Variants in GPC4 observed in about 807,000 individuals in gnomAD.
The protein encoded by GPC4 is glypican 4.
In GPC4, 10 loss-of-function variants were observed where a neutral mutation model predicts 35.0. The ratio of observed to expected loss-of-function variants is 0.29; its 90% CI spans 0.18 to 0.48. GPC4 has a LOEUF of 0.48. Among genes scored for constraint, GPC4 ranks in the 20% least tolerant of loss-of-function variants. GPC4 has a pLI of 0.99. For missense variants in GPC4, 322 were observed against 451.3 expected (o/e 0.71, Z 2.60); for synonymous variants, 167 against 170.2 (o/e 0.98, Z 0.15).
At chrX:133,328,310 C>T (rs1460731825) in intron 2 of GPC4, among the ~76,000 whole-genome samples, 1 of 111,051 alleles carries the variant, frequency 9.0e-6, no homozygotes, top group East Asian at 2.8e-4. Context: ...TGCCTTTTGC[C>T]TCAAAGGGAC....
At position 133,415,005 on chromosome X, in the gene GPC4, G is replaced by A. The variant is rs760771681; in HGVS notation, c.-40C>T. On this transcript the variant is annotated 5_prime_UTR_variant, in exon 1 of 9. Coordinates refer to ENST00000370828, the MANE Select transcript of GPC4 (RefSeq NM_001448.3). ...CGGACGCGTTCCCACCTTTGGGACCGGACGGGAAGCGGCGCTACGGCAGCG... is the reference window on the plus strand; with the variant it reads ...CGGACGCGTTCCCACCTTTGGGACCAGACGGGAAGCGGCGCTACGGCAGCG... 2 of 1,181,477 alleles carry A rather than the reference G, an allele frequency of 1.7e-6. No individual in the cohort carries two copies. The highest frequency in any genetic ancestry group is 1.7e-5 in the African/African-American group (1 of 57,268).
chrX:133,397,823 G>A (rs1247310675), intron 1 of GPC4, among the ~76,000 whole-genome samples: 1 of 111,941 alleles, frequency 8.9e-6, no homozygotes, highest in Non-Finnish European at 1.9e-5. Flanking sequence ...CACTTTGGGA[G>A]GCCAAGGCGG....
chrX:133,376,513 A>T (rs1188380817), intron 1 of GPC4, among the ~76,000 whole-genome samples: 1 of 112,744 alleles, frequency 8.9e-6, no homozygotes, highest in Non-Finnish European at 1.9e-5. Flanking sequence ...CCTTGCAGAT[A>T]TAAGACATTC....
At chrX:133,335,351 A>G (rs1278278124) in intron 2 of GPC4, among the ~76,000 whole-genome samples, 1 of 111,485 alleles carries the variant, frequency 9.0e-6, no homozygotes, top group African/African-American at 3.3e-5. Flanking sequence ...CACAGAGGCC[A>G]GTCTTTAAAC....
chrX:133,347,262 T>G lies in GPC4; in HGVS notation c.161-7921A>C, dbSNP rs1175492550. On this transcript the variant is annotated intron_variant, in intron 1 of 8. Transcript: ENST00000370828. ...TTCTATTAGAAGTTTTTTTTTTTTTTTTTTTTTTTTTTTTTTTTAAGAAAA... is the reference window on the plus strand; with the variant it reads ...TTCTATTAGAAGTTTTTTTTTTTTTGTTTTTTTTTTTTTTTTTTAAGAAAA... Among the ~76,000 whole-genome samples the G allele has an allele frequency of 8.6e-5, 8 of 92,538 alleles. No homozygotes were observed. The South Asian group carries it at 2.7e-3, about 31-fold the overall frequency. The allele number at this position is 92,538 out of a possible 115,157, so 80.4% of individuals were successfully genotyped here. A position where few individuals can be genotyped will look rare whatever the true frequency, so the allele number is the denominator to read the frequency against.
At chrX:133,381,292 T>C (rs1020914243) in intron 1 of GPC4, among the ~76,000 whole-genome samples, 1 of 112,582 alleles carries the variant, frequency 8.9e-6, no homozygotes, top group African/African-American at 3.2e-5. Flanking sequence ...AAATGTGAAT[T>C]TGTTTCAATG....
chrX:133,346,815 T>C (rs1331944675), intron 1 of GPC4, among the ~76,000 whole-genome samples: 1 of 111,359 alleles, frequency 9.0e-6, no homozygotes, highest in East Asian at 2.8e-4. Flanking sequence ...CACATTTATA[T>C]AAAATGTCCA....
intron 2 of GPC4, among the ~76,000 whole-genome samples, chrX:133,331,738 C>T (rs1603067987): frequency 1.0e-5 from 1 of 97,562 alleles, no homozygotes; most frequent in Admixed American, 1.1e-4. Context: ...TCCAGCCTGG[C>T]CAACAGAGTG....
intron 2 of GPC4, among the ~76,000 whole-genome samples, chrX:133,328,138 A>G (rs191794245): frequency 2.2e-3 from 242 of 111,476 alleles, no homozygotes; most frequent in Non-Finnish European, 3.4e-3. Flanking sequence ...TTAAACATCT[A>G]TAAAATTGTT....
intron 1 of GPC4, among the ~76,000 whole-genome samples, chrX:133,386,519 T>C (rs2068691255): frequency 9.0e-6 from 1 of 111,302 alleles, no homozygotes; most frequent in African/African-American, 3.3e-5. Flanking sequence ...ATATACAATA[T>C]GCAGCTCCTA....
rs1309750237 is a variant in GPC4 at position 133,300,246 on chromosome X, T to C, written c.*2621A>G. 1 of 112,542 alleles carries C rather than the reference T, an allele frequency of 8.9e-6. No individual in the cohort carries two copies. The highest frequency in any genetic ancestry group is 1.9e-5 in the Non-Finnish European group (1 of 53,309). The allele number at this position is 112,542 out of a possible 1,213,427, so 9.3% of individuals were successfully genotyped here. On this transcript the variant is annotated 3_prime_UTR_variant, in exon 9 of 9. Coordinates refer to ENST00000370828, the MANE Select transcript of GPC4 (RefSeq NM_001448.3). ...TCTTCGCAGTGTCTTTTAATCAAAA[T>C]AACAGGTGCTAGTTACGATTTTTGA...
chrX:133,349,784 T>C (rs2068508993), intron 1 of GPC4, among the ~76,000 whole-genome samples: 1 of 110,930 alleles, frequency 9.0e-6, no homozygotes, highest in South Asian at 3.9e-4. Context: ...CCACACCCGG[T>C]TAATTTTTGT....
At chrX:133,344,191 G>GTTTTTTTTTTTTTTTTTTTTTTTTTTTTT (rs747976050) in intron 1 of GPC4, among the ~76,000 whole-genome samples, 2 of 38,897 alleles carry the variant, frequency 5.1e-5, no homozygotes, top group East Asian at 7.0e-4. Context: ...TTTCTTTCTG[G>GTTTTTTTTTTTTTTTTTTTTTTTTTTTTT]TTTTTTTTTT....
At chrX:133,308,698 A>G (rs2068301460) in intron 4 of GPC4, among the ~76,000 whole-genome samples, 1 of 111,259 alleles carries the variant, frequency 9.0e-6, no homozygotes, top group South Asian at 3.8e-4. Flanking sequence ...TTAGTCTCTT[A>G]AAGGGTCTAG....
At chrX:133,335,093 C>T (rs1349711095) in intron 2 of GPC4, among the ~76,000 whole-genome samples, 6 of 111,349 alleles carry the variant, frequency 5.4e-5, no homozygotes, top group Non-Finnish European at 1.1e-4. Context: ...TTTCTATTCC[C>T]TTTGCCAAGC....
At chrX:133,379,415 G>C (rs1374648145) in intron 1 of GPC4, among the ~76,000 whole-genome samples, 1 of 112,000 alleles carries the variant, frequency 8.9e-6, no homozygotes, top group Non-Finnish European at 1.9e-5. Flanking sequence ...GCTGGGGGGA[G>C]GCAGGAATGA....
At position 133,306,217 on chromosome X, in the gene GPC4, G is replaced by C. The variant is rs1469685356; in HGVS notation, c.878-63C>G. ...AAGTCAATCATTAGTTTGGCCTTGG[G>C]TAAATCAATCTGATTTTTTTTTCTG... On this transcript the variant is annotated intron_variant, in intron 4 of 8. Coordinates refer to ENST00000370828, the MANE Select transcript of GPC4 (RefSeq NM_001448.3). The C allele has an allele frequency of 7.0e-6, 8 of 1,148,311 alleles. No individual in the cohort carries two copies. The African/African-American group carries it at 1.4e-4, about 21-fold the overall frequency. 94.6% of individuals were successfully genotyped at this position (1,148,311 alleles called of 1,213,427 possible).
chrX:133,363,195 CTTTTGTTTTG>C (rs1164640659), intron 1 of GPC4, among the ~76,000 whole-genome samples: 130 of 110,731 alleles, frequency 1.2e-3, no homozygotes, highest in Non-Finnish European at 2.0e-3. Context: ...CTTTTGTTTT[CTTTTGTTTTG>C]TTTTGTTTTT....
At chrX:133,411,071 C>T (rs977879174) in intron 1 of GPC4, among the ~76,000 whole-genome samples, 9 of 112,355 alleles carry the variant, frequency 8.0e-5, no homozygotes, top group African/African-American at 2.9e-4. Flanking sequence ...GAAAGTATTG[C>T]TACCTCTCCA....
Sources: gnomAD v4.1 joint callset for allele counts (sites outside exome capture counted in the v4.1 genomes callset) on GRCh38, gnomAD v4.1.1 for gene constraint, MANE v1.5 for transcripts, NCBI Gene and HGNC (gene_info 2026-07-23, HGNC 2026-07-21) for gene names.